Variants in ZBTB7C observed in about 807,000 individuals in gnomAD.
ZBTB7C encodes zinc finger and BTB domain containing 7C.
ZBTB7C carries 8 observed loss-of-function variants against 25.7 expected under a neutral mutation model. The ratio of observed to expected loss-of-function variants is 0.31; its 90% CI spans 0.18 to 0.56. The LOEUF is 0.56. Ranked by LOEUF, ZBTB7C falls within the 20% of genes least tolerant of loss-of-function variation. The pLI, the probability that ZBTB7C is intolerant of heterozygous loss-of-function variation, is 0.91. For missense variants in ZBTB7C, 824 were observed against 855.2 expected, an observed-to-expected ratio of 0.96 and a Z score of 0.46; for synonymous variants, 394 against 369.0, an observed-to-expected ratio of 1.07 and a Z score of -0.78.
chr18:48,084,037 C>T (rs1188800390), intron 3 of ZBTB7C, among the ~76,000 whole-genome samples: 1 of 152,214 alleles, frequency 6.6e-6, no homozygotes, highest in Non-Finnish European at 1.5e-5. Flanking sequence ...ACTACCAGAA[C>T]CTTCTGCAGG....
chr18:48,362,604 T>G (rs1028772287), intron 1 of ZBTB7C, among the ~76,000 whole-genome samples: 1 of 152,136 alleles, frequency 6.6e-6, no homozygotes, highest in Non-Finnish European at 1.5e-5. Context: ...GTTTATAAGC[T>G]CCCTAGTTTA....
chr18:48,403,990 C>T (rs1259726734), intron 1 of ZBTB7C, among the ~76,000 whole-genome samples: 3 of 152,178 alleles, frequency 2.0e-5, no homozygotes, highest in East Asian at 1.9e-4. Flanking sequence ...TGGTAGCTGA[C>T]GCCTATAATC....
chr18:48,317,103 T>C (rs2045965853), intron 2 of ZBTB7C, among the ~76,000 whole-genome samples: 1 of 151,802 alleles, frequency 6.6e-6, no homozygotes, highest in African/African-American at 2.4e-5. Flanking sequence ...TGAAACCCTG[T>C]CTCTACTAAA....
At chr18:48,191,351 G>A (rs922380546) in intron 2 of ZBTB7C, among the ~76,000 whole-genome samples, 3 of 152,346 alleles carry the variant, frequency 2.0e-5, no homozygotes, top group East Asian at 3.9e-4. Flanking sequence ...GTGACATTGG[G>A]CGAGTGACTT....
At chr18:48,056,002 T>TAA (rs894478208) in intron 3 of ZBTB7C, among the ~76,000 whole-genome samples, 2 of 152,074 alleles carry the variant, frequency 1.3e-5, no homozygotes, top group Admixed American at 6.6e-5. Flanking sequence ...AAATGTTGAA[T>TAA]AAGAAATACA....
At chr18:48,367,202 T>TATATATATATATATATATATACACAC (rs1302394192) in intron 1 of ZBTB7C, among the ~76,000 whole-genome samples, 2 of 63,394 alleles carry the variant, frequency 3.2e-5, no homozygotes, top group African/African-American at 6.2e-5. Context: ...TATATATATA[T>TATATATATATATATATATATACACAC]ACACACACAC....
intron 2 of ZBTB7C, among the ~76,000 whole-genome samples, chr18:48,261,019 A>G (rs1323093150): frequency 6.6e-6 from 1 of 152,216 alleles, no homozygotes; most frequent in Non-Finnish European, 1.5e-5. Context: ...ATTAAAACCC[A>G]CTTAAATTAA....
At chr18:48,048,707 A>G (rs766687376) in intron 3 of ZBTB7C, among the ~76,000 whole-genome samples, 6 of 152,150 alleles carry the variant, frequency 3.9e-5, no homozygotes, top group Admixed American at 6.5e-5. Context: ...TGGGGCCATA[A>G]CAGAAACCAA....
At chr18:48,320,950 G>A (rs780546598) in intron 2 of ZBTB7C, among the ~76,000 whole-genome samples, 4 of 152,238 alleles carry the variant, frequency 2.6e-5, no homozygotes, top group Non-Finnish European at 4.4e-5. Flanking sequence ...CAGGGGTCCT[G>A]TTGTGTCCTC....
intron 3 of ZBTB7C, among the ~76,000 whole-genome samples, chr18:48,101,945 A>G (rs1306828494): frequency 6.6e-6 from 1 of 152,248 alleles, no homozygotes; most frequent in Non-Finnish European, 1.5e-5. Flanking sequence ...TCTAATACCA[A>G]GAGATCCTTC....
chr18:48,107,426 G>C (rs1024854511), intron 3 of ZBTB7C, among the ~76,000 whole-genome samples: 3 of 151,070 alleles, frequency 2.0e-5, no homozygotes, highest in Non-Finnish European at 4.4e-5. Context: ...AGAAGAGGAA[G>C]AGGAGAGGGA....
At chr18:48,337,107 T>A (rs1479117727) in intron 2 of ZBTB7C, among the ~76,000 whole-genome samples, 1 of 152,206 alleles carries the variant, frequency 6.6e-6, no homozygotes, top group Admixed American at 6.5e-5. Flanking sequence ...CTGCCTAATT[T>A]AGAACAAGGC....
chr18:48,091,238 A>ATTTTTTTTTT lies in ZBTB7C; in HGVS notation c.-16-50125_-16-50116dup, dbSNP rs35051690. On this transcript the variant is annotated intron_variant, in intron 3 of 4. Transcript: ENST00000590800. ...AGGCATGTGCCACTATGCCCGGATA[A>ATTTTTTTTTT]TTTTTTTTTTTTTTTTTTTTTTTTT... is the stretch of plus-strand genomic sequence containing the variant. Among the ~76,000 whole-genome samples the ATTTTTTTTTT allele has an allele frequency of 3.2e-3, 209 of 64,658 alleles. 7 individuals are homozygous for ATTTTTTTTTT. The highest frequency in any genetic ancestry group is 0.012 in the Middle Eastern group (1 of 84). 42.4% of individuals were successfully genotyped at this position (64,658 alleles called of 152,430 possible).
At chr18:48,213,510 T>C (rs919196041) in intron 2 of ZBTB7C, among the ~76,000 whole-genome samples, 3 of 152,356 alleles carry the variant, frequency 2.0e-5, no homozygotes, top group Admixed American at 1.3e-4. Flanking sequence ...CAGCTCCTAC[T>C]GTATCCCCAT....
intron 2 of ZBTB7C, among the ~76,000 whole-genome samples, chr18:48,213,181 C>T (rs577540980): frequency 1.6e-4 from 24 of 152,232 alleles, no homozygotes; most frequent in South Asian, 4.1e-4. Flanking sequence ...GAAGAAGATG[C>T]GGGCCAGAAT....
At chr18:48,075,420 ACAGC>A (rs1284605158) in intron 3 of ZBTB7C, among the ~76,000 whole-genome samples, 2 of 152,240 alleles carry the variant, frequency 1.3e-5, no homozygotes, top group African/African-American at 4.8e-5. Flanking sequence ...GGAAATGGGA[ACAGC>A]CAGCCCAGAG....
chr18:48,190,264 A>G (rs2042161722), intron 2 of ZBTB7C, among the ~76,000 whole-genome samples: 1 of 152,238 alleles, frequency 6.6e-6, no homozygotes, highest in African/African-American at 2.4e-5. Context: ...GTAAGGAACA[A>G]CATTAATACT....
chr18:48,142,293 C>A (rs2040372003), intron 3 of ZBTB7C, among the ~76,000 whole-genome samples: 1 of 152,318 alleles, frequency 6.6e-6, no homozygotes, highest in South Asian at 2.1e-4. Flanking sequence ...AGCTGTAGCC[C>A]CAGAGGGAGG....
chr18:48,259,927 A>G (rs560146375), intron 2 of ZBTB7C, among the ~76,000 whole-genome samples: 11 of 152,364 alleles, frequency 7.2e-5, no homozygotes, highest in African/African-American at 2.6e-4. Context: ...GGAAAATGGC[A>G]CAACTATTTT....
Sources: allele counts gnomAD v4.1 joint callset (sites outside exome capture counted in the v4.1 genomes callset), GRCh38; gene constraint gnomAD v4.1.1; transcripts MANE v1.5; gene names NCBI Gene and HGNC (gene_info 2026-07-23, HGNC 2026-07-21).